PHF11: variants seen among roughly 807,000 people sequenced by gnomAD.
The protein encoded by PHF11 is PHD finger protein 11.
In PHF11, 38 loss-of-function variants were observed where a neutral mutation model predicts 40.5. The observed-to-expected ratio is 0.94, with a 90% CI of 0.72 to 1.23. PHF11 has a LOEUF of 1.23. Ranked by LOEUF, PHF11 falls within the 50% of genes most tolerant of loss-of-function variation. The pLI is 0.00. For synonymous variants in PHF11, 127 were observed against 138.2 expected (o/e 0.92, Z 0.57); for missense variants, 369 against 392.4 (o/e 0.94, Z 0.50).
Position 49,520,903 on chromosome 13 carries a change from C to A in PHF11, c.468C>A (p.Cys156Ter). The A allele has an allele frequency of 6.4e-7, 1 of 1,574,010 alleles. No homozygotes were observed. The highest frequency in any genetic ancestry group is 8.7e-7 in the Non-Finnish European group (1 of 1,151,294). The change falls in exon 5 of 10, where the codon TGC becomes TGA. Residue 156 changes from cysteine to a stop codon, truncating the protein, a stop_gained. Coordinates refer to ENST00000378319, the MANE Select transcript of PHF11 (RefSeq NM_001040443.3). LOFTEE classifies it high-confidence loss of function. ...DGVRGIYKLLCQQHAQFPIIA... is the reference protein window; with the variant it reads ...DGVRGIYKLL ...AAATTAAATATTTCAGACTGCTTTG[C>A]CAGCAACATGCTCAATTCCCGATCA...
At chr13:49,526,755 A>T (rs1959310593) in intron 9 of PHF11, among the ~76,000 whole-genome samples, 1 of 152,088 alleles carries the variant, frequency 6.6e-6, no homozygotes, top group Non-Finnish European at 1.5e-5. Flanking sequence ...TATTTTCCAG[A>T]TTTTCTATAT....
At chr13:49,499,297 T>C (rs1304600941) in intron 1 of PHF11, among the ~76,000 whole-genome samples, 1 of 152,208 alleles carries the variant, frequency 6.6e-6, no homozygotes, top group Non-Finnish European at 1.5e-5. Flanking sequence ...ATCAGCTATG[T>C]CTAGAGGAAT....
intron 4 of PHF11, chr13:49,518,370 A>C (rs961002744): frequency 8.0e-5 from 20 of 249,284 alleles, no homozygotes; most frequent in African/African-American, 4.0e-4. Flanking sequence ...TTGAATAATG[A>C]GATCAATGTT....
At chr13:49,516,341 G>A (rs981770116) in intron 3 of PHF11, among the ~76,000 whole-genome samples, 6 of 151,728 alleles carry the variant, frequency 4.0e-5, no homozygotes, top group Admixed American at 3.3e-4. Flanking sequence ...AACCATGCCT[G>A]CCACATCATA....
intron 1 of PHF11, chr13:49,496,576 C>A: frequency 2.7e-6 from 1 of 374,226 alleles, no homozygotes; most frequent in Non-Finnish European, 3.7e-6. Context: ...TCGTTCCAGT[C>A]CTCCCCGGCC....
At chr13:49,513,748 T>C (rs560791942) in intron 3 of PHF11, among the ~76,000 whole-genome samples, 1 of 152,356 alleles carries the variant, frequency 6.6e-6, no homozygotes, top group African/African-American at 2.4e-5. Context: ...ACAAAGAGGA[T>C]ACTTACTTTT....
intron 7 of PHF11, 133 bp from the exon 8 acceptor site, chr13:49,523,952 G>A: frequency 1.9e-6 from 1 of 521,540 alleles, no homozygotes; most frequent in Non-Finnish European, 3.3e-6. Context: ...TAATAAAAAG[G>A]GTGAAGGTGC....
At chr13:49,503,573 T>C (rs2139034485) in intron 1 of PHF11, among the ~76,000 whole-genome samples, 1 of 152,332 alleles carries the variant, frequency 6.6e-6, no homozygotes, top group East Asian at 1.9e-4. Flanking sequence ...TGAGACATGC[T>C]TTAAGCACAG....
chr13:49,524,051 CTAT>C (rs753279815), intron 7 of PHF11, 31 bp from the exon 8 acceptor site: 3 of 1,583,742 alleles, frequency 1.9e-6, no homozygotes, highest in Admixed American at 1.8e-5. Context: ...TGCCCTAAGA[CTAT>C]TTCCTTCTCA....
intron 1 of PHF11, chr13:49,496,549 C>A: frequency 4.6e-6 from 3 of 654,066 alleles, no homozygotes; most frequent in Non-Finnish European, 5.7e-6. Flanking sequence ...GACTGGAACC[C>A]GTCTCCCCTT....
At chr13:49,523,882 G>T in intron 7 of PHF11, 1 of 338,752 alleles carries the variant, frequency 3.0e-6, no homozygotes, top group Non-Finnish European at 5.3e-6. Flanking sequence ...TTTACTTTTT[G>T]TAACATTTTA....
At chr13:49,509,597 T>C (rs771342413) in intron 2 of PHF11, among the ~76,000 whole-genome samples, 4 of 152,184 alleles carry the variant, frequency 2.6e-5, no homozygotes, top group Non-Finnish European at 5.9e-5. Context: ...AATCCCCACG[T>C]GTCAAGGGTG....
intron 1 of PHF11, among the ~76,000 whole-genome samples, chr13:49,499,803 TA>T (rs1829803916): frequency 6.6e-6 from 1 of 152,216 alleles, no homozygotes; most frequent in African/African-American, 2.4e-5. Context: ...ACCAGCACCA[TA>T]AATTAGTTAC....
chr13:49,499,322 C>T (rs1170678216), intron 1 of PHF11, among the ~76,000 whole-genome samples: 3 of 152,192 alleles, frequency 2.0e-5, no homozygotes, highest in Non-Finnish European at 4.4e-5. Flanking sequence ...TACAAACATG[C>T]CTGCTGGGGG....
At chr13:49,496,463 T>C (rs1380600229) in intron 1 of PHF11, 1 of 1,016,904 alleles carries the variant, frequency 9.8e-7, no homozygotes. Flanking sequence ...ACCAGGACAG[T>C]GGAGGGGCGC....
intron 1 of PHF11, among the ~76,000 whole-genome samples, chr13:49,504,682 C>T (rs1163052972): frequency 1.3e-5 from 2 of 151,688 alleles, no homozygotes; most frequent in Admixed American, 6.6e-5. Flanking sequence ...TGAGGAGCCC[C>T]TCTGCCCGGC....
At chr13:49,502,085 A>G (rs1431097893) in intron 1 of PHF11, among the ~76,000 whole-genome samples, 1 of 152,086 alleles carries the variant, frequency 6.6e-6, no homozygotes, top group Non-Finnish European at 1.5e-5. Flanking sequence ...GGATCACTTG[A>G]GCCTAGGAGT....
intron 1 of PHF11, among the ~76,000 whole-genome samples, chr13:49,498,032 C>T (rs750368014): frequency 6.6e-6 from 1 of 152,214 alleles, no homozygotes; most frequent in African/African-American, 2.4e-5. Flanking sequence ...TATTCTTTCT[C>T]TATAGTACTT....
intron 2 of PHF11, 94 bp from the exon 3 acceptor site, chr13:49,512,965 C>T: frequency 3.0e-6 from 2 of 669,086 alleles, no homozygotes; most frequent in Non-Finnish European, 5.3e-6. Flanking sequence ...ATTTCCCACT[C>T]CTGGTTTGAT....
Sources: gnomAD v4.1 joint callset for allele counts (sites outside exome capture counted in the v4.1 genomes callset) on GRCh38, gnomAD v4.1.1 for gene constraint, MANE v1.5 for transcripts, NCBI Gene and HGNC (gene_info 2026-07-23, HGNC 2026-07-21) for gene names.